LUC7L2: variants seen among roughly 807,000 people sequenced by gnomAD.
LUC7L2 encodes LUC7 like 2, pre-mRNA splicing factor.
LUC7L2 carries 25 observed loss-of-function variants against 52.8 expected under a neutral mutation model. That is an observed-to-expected ratio of 0.47 (90% confidence interval 0.34 to 0.66). LUC7L2 has a LOEUF of 0.66. LUC7L2 is among the 30% of genes least tolerant of loss of function. The pLI is 0.01. For missense variants in LUC7L2, 328 were observed against 497.8 expected (o/e 0.66, Z 3.25); for synonymous variants, 144 against 160.9 (o/e 0.89, Z 0.80).
intron 1 of LUC7L2, chr7:139,345,574 G>A (rs375049853): frequency 5.1e-5 from 82 of 1,613,914 alleles, no homozygotes; most frequent in East Asian, 1.3e-4. Flanking sequence ...TGCCTCCTGC[G>A]TAGCATCCGG....
intron 6 of LUC7L2, 92 bp from the exon 7 acceptor site, chr7:139,409,471 C>G: frequency 7.1e-7 from 1 of 1,407,464 alleles, no homozygotes; most frequent in Admixed American, 2.9e-5. Context: ...AGCAGTTGTA[C>G]TGTATTAGAA....
Position 139,360,002 on chromosome 7 carries a change from G to A in LUC7L2, c.-260G>A. 2 of 464,588 alleles carry A rather than the reference G, an allele frequency of 4.3e-6. No individual in the cohort carries two copies. The highest frequency in any genetic ancestry group is 7.1e-5 in the South Asian group (2 of 28,248). 28.8% of individuals were successfully genotyped at this position (464,588 alleles called of 1,614,324 possible). A position where few individuals can be genotyped will look rare whatever the true frequency, so the allele number is the denominator to read the frequency against. On this transcript the variant is annotated 5_prime_UTR_variant, in exon 1 of 10. Coordinates refer to ENST00000354926, the MANE Select transcript of LUC7L2 (RefSeq NM_016019.5). ...GGCGAGAGCTTGCTTGGCCCGTGTC[G>A]CTTCTGTCCCAAGAACCGGACGGAG... is the stretch of plus-strand genomic sequence containing the variant.
intron 4 of LUC7L2, 23 bp downstream of exon 4, chr7:139,402,270 T>C: frequency 6.4e-7 from 1 of 1,553,006 alleles, no homozygotes. Flanking sequence ...ATCATTTCAT[T>C]AGTACAAAGT....
chr7:139,388,317 A>G (rs529480638), intron 2 of LUC7L2, among the ~76,000 whole-genome samples: 29 of 152,292 alleles, frequency 1.9e-4, no homozygotes, highest in Admixed American at 1.2e-3. Flanking sequence ...AAATTACAAA[A>G]AGGTAGAAAA....
At chr7:139,407,637 GTTA>G (rs1193496096) in intron 6 of LUC7L2, among the ~76,000 whole-genome samples, 1 of 151,978 alleles carries the variant, frequency 6.6e-6, no homozygotes, top group Admixed American at 6.5e-5. Context: ...AAACTTCATT[GTTA>G]TTGTTCTTTT....
chr7:139,371,535 T>TG, intron 1 of LUC7L2: 1 of 923,430 alleles, frequency 1.1e-6, no homozygotes, highest in East Asian at 4.9e-5. Context: ...CTTGTTTGTA[T>TG]GGGAGGGAGA....
intron 8 of LUC7L2, among the ~76,000 whole-genome samples, chr7:139,413,280 T>C (rs1795449902): frequency 6.6e-6 from 1 of 152,250 alleles, no homozygotes. Context: ...CTTTCTCAGT[T>C]CTTCACTTGC....
At chr7:139,374,962 G>C in intron 1 of LUC7L2, 1 of 986,802 alleles carries the variant, frequency 1.0e-6, no homozygotes, top group Non-Finnish European at 1.2e-6. Context: ...GTGAAATACA[G>C]AGGTATTTAT....
chr7:139,383,847 C>G (rs969450701), intron 2 of LUC7L2, among the ~76,000 whole-genome samples: 3 of 150,826 alleles, frequency 2.0e-5, no homozygotes, highest in East Asian at 3.9e-4. Context: ...GATTCTCCTG[C>G]CTCAGCCTCC....
intron 9 of LUC7L2, among the ~76,000 whole-genome samples, chr7:139,419,893 T>A (rs1038920621): frequency 2.6e-5 from 4 of 152,264 alleles, no homozygotes; most frequent in African/African-American, 9.6e-5. Context: ...TGTTTTATAC[T>A]AAAAATTACC....
chr7:139,379,910 G>A (rs546747771), intron 2 of LUC7L2, among the ~76,000 whole-genome samples: 2 of 152,102 alleles, frequency 1.3e-5, no homozygotes, highest in South Asian at 2.1e-4. Context: ...AGGGCTGGGC[G>A]TGGTGGTTCA....
In LUC7L2 at chr7:139,394,935, T is replaced by C. The variant is rs548147143; in HGVS notation, c.157-3664T>C. On this transcript the variant is annotated intron_variant, in intron 2 of 9. Transcript: ENST00000354926. ...CTCAACATTGCACATTAAAAATACC[T>C]GGGGGGCTTTTACAATTCAGTCAGT... Among the ~76,000 whole-genome samples, 354 of 152,312 alleles carry C rather than the reference T, an allele frequency of 2.3e-3. 4 individuals carry two copies. Among genetic ancestry groups the C allele is most frequent in the African/African-American group, 8.3e-3 (344 of 41,578 alleles).
upstream of LUC7L2, chr7:139,359,422 C>G (rs574757256): frequency 1.8e-4 from 30 of 166,176 alleles, no homozygotes; most frequent in African/African-American, 4.3e-4. Context: ...GGCGGCGAGA[C>G]AGGCCTGCTC....
chr7:139,399,828 T>C (rs1461438633), intron 3 of LUC7L2, among the ~76,000 whole-genome samples: 1 of 152,060 alleles, frequency 6.6e-6, no homozygotes, highest in Non-Finnish European at 1.5e-5. Context: ...AAGACACCAT[T>C]TAGATACCTA....
chr7:139,344,524 A>AT (rs1445966583), intron 1 of LUC7L2, among the ~76,000 whole-genome samples: 1 of 152,018 alleles, frequency 6.6e-6, no homozygotes, highest in Non-Finnish European at 1.5e-5. Context: ...TTTTCTGAGT[A>AT]TTTTTTATCA....
chr7:139,342,935 A>G (rs1341893535), intron 1 of LUC7L2, among the ~76,000 whole-genome samples: 1 of 152,242 alleles, frequency 6.6e-6, no homozygotes, highest in African/African-American at 2.4e-5. Context: ...CTTCAGGCTC[A>G]CAGCTAACTG....
At position 139,417,628 on chromosome 7, in the gene LUC7L2, C is replaced by T; in HGVS notation, c.900C>T (p.Arg300=). 1 of 1,614,142 alleles carries T rather than the reference C, an allele frequency of 6.2e-7. No individual in the cohort carries two copies. ...RRTRSKSREK[R]HRHRSRSSSR... is the part of the protein sequence containing the mutation. ...CTCGATCCAAATCTCGGGAGAAACG[C>T]CATCGCCACAGGTCCCGCTCCAGCA... The change falls in exon 9 of 10, where the codon CGC becomes CGT. Residue 300 remains arginine (R), a synonymous_variant. Transcript: ENST00000354926.
At chr7:139,386,159 C>T (rs546831955) in intron 2 of LUC7L2, among the ~76,000 whole-genome samples, 1 of 152,122 alleles carries the variant, frequency 6.6e-6, no homozygotes, top group African/African-American at 2.4e-5. Flanking sequence ...CCCACCACCA[C>T]GCCTGGCTAA....
At chr7:139,401,733 G>A (rs987265825) in intron 3 of LUC7L2, among the ~76,000 whole-genome samples, 14 of 150,486 alleles carry the variant, frequency 9.3e-5, no homozygotes, top group African/African-American at 2.7e-4. Context: ...AATTATAGGC[G>A]TGACCCACCA....
Sources: gnomAD v4.1 joint callset for allele counts (sites outside exome capture counted in the v4.1 genomes callset) on GRCh38, gnomAD v4.1.1 for gene constraint, MANE v1.5 for transcripts, NCBI Gene and HGNC (gene_info 2026-07-23, HGNC 2026-07-21) for gene names.